Variants in TRPS1 observed in about 807,000 individuals in gnomAD.
TRPS1 encodes the protein zinc finger transcription factor Trps1.
TRPS1 carries 6 observed loss-of-function variants against 101.2 expected under a neutral mutation model. The ratio of observed to expected loss-of-function variants is 0.06; its 90% CI spans 0.03 to 0.12. The LOEUF (loss-of-function observed/expected upper bound fraction) is 0.12. Among genes scored for constraint, TRPS1 ranks in the 10% least tolerant of loss-of-function variants. The pLI is 1.00. For missense variants in TRPS1, 1,363 were observed against 1,567.0 expected, an observed-to-expected ratio of 0.87 and a Z score of 2.20; for synonymous variants, 578 against 589.8, an observed-to-expected ratio of 0.98 and a Z score of 0.29.
intron 5 of TRPS1, among the ~76,000 whole-genome samples, chr8:115,546,684 A>T (rs552638040): frequency 5.3e-5 from 8 of 152,184 alleles, no homozygotes; most frequent in African/African-American, 1.9e-4. Flanking sequence ...ACTTTTTAAA[A>T]ATCTTTTCAA....
At chr8:115,535,679 G>A (rs1199229306) in intron 5 of TRPS1, among the ~76,000 whole-genome samples, 1 of 150,626 alleles carries the variant, frequency 6.6e-6, no homozygotes, top group Non-Finnish European at 1.5e-5. Context: ...GGCTAACACG[G>A]TGAAACCCCA....
intron 5 of TRPS1, among the ~76,000 whole-genome samples, chr8:115,429,177 T>C (rs920944921): frequency 1.3e-5 from 2 of 152,224 alleles, no homozygotes; most frequent in East Asian, 3.9e-4. Context: ...AGTCCTATAA[T>C]AGGCTGTCCC....
At chr8:115,532,406 T>C (rs1022352279) in intron 5 of TRPS1, among the ~76,000 whole-genome samples, 1 of 152,140 alleles carries the variant, frequency 6.6e-6, no homozygotes, top group Non-Finnish European at 1.5e-5. Context: ...GGCTGAGGGA[T>C]TATTTCAATC....
intron 5 of TRPS1, among the ~76,000 whole-genome samples, chr8:115,535,059 A>C (rs961362146): frequency 6.7e-6 from 1 of 148,218 alleles, no homozygotes; most frequent in Non-Finnish European, 1.5e-5. Flanking sequence ...GCATATGTAT[A>C]GCATATATAT....
intron 1 of TRPS1, among the ~76,000 whole-genome samples, chr8:115,648,619 C>T (rs181536138): frequency 1.2e-4 from 19 of 152,302 alleles, no homozygotes; most frequent in African/African-American, 4.6e-4. Flanking sequence ...TGTTCCTGAT[C>T]TGCAGTTCTG....
Position 115,412,012 on chromosome 8 carries a change from G to C in TRPS1, c.*2011C>G, listed in dbSNP as rs978601389. ...AACTGCGAATTAATGTAAAAATGGAGTGCAAATGCGACTACAGAATGCAAA... is the reference window on the plus strand; with the variant it reads ...AACTGCGAATTAATGTAAAAATGGACTGCAAATGCGACTACAGAATGCAAA... On this transcript the variant is annotated 3_prime_UTR_variant, in exon 7 of 7. Coordinates refer to ENST00000395715, the MANE Select transcript of TRPS1 (RefSeq NM_014112.5). 1 of 127,336 alleles carries C rather than the reference G, an allele frequency of 7.9e-6. No homozygotes were observed. The highest frequency in any genetic ancestry group is 1.6e-5 in the Non-Finnish European group (1 of 61,032). The allele number at this position is 127,336 out of a possible 1,614,324, so 7.9% of individuals were successfully genotyped here.
intron 4 of TRPS1, among the ~76,000 whole-genome samples, chr8:115,599,864 G>A (rs1741008743): frequency 7.1e-6 from 1 of 140,710 alleles, no homozygotes; most frequent in Non-Finnish European, 1.6e-5. Flanking sequence ...CCAGTAATGG[G>A]ATTGCTGGGT....
chr8:115,605,249 A>C (rs1011571745), intron 3 of TRPS1, among the ~76,000 whole-genome samples: 10 of 152,200 alleles, frequency 6.6e-5, no homozygotes, highest in African/African-American at 2.4e-4. Context: ...GTAAGTAATA[A>C]ATGCACTATA....
chr8:115,528,020 C>T (rs1816042154), intron 5 of TRPS1, among the ~76,000 whole-genome samples: 1 of 151,980 alleles, frequency 6.6e-6, no homozygotes, highest in South Asian at 2.1e-4. Context: ...GTTCATATAT[C>T]CCAAATGGAG....
intron 5 of TRPS1, among the ~76,000 whole-genome samples, chr8:115,442,720 G>C (rs1813634648): frequency 6.6e-6 from 1 of 152,000 alleles, no homozygotes; most frequent in African/African-American, 2.4e-5. Flanking sequence ...CCAGCACTTT[G>C]GGATGCTGAG....
At position 115,596,859 on chromosome 8, in the gene TRPS1, A is replaced by G. The variant is rs192033673; in HGVS notation, c.2096+7014T>C. Among the ~76,000 whole-genome samples, 10 of 152,018 alleles carry G rather than the reference A, an allele frequency of 6.6e-5. No individual in the cohort carries two copies. In the East Asian group the frequency reaches 1.9e-3, roughly 29 times the overall value. ...ATAACATGAAAATTTGTATAGTTTT[A>G]TCTTTTGAATTTATATAAAACACTA... On this transcript the variant is annotated intron_variant, in intron 4 of 6. Coordinates refer to ENST00000395715, the MANE Select transcript of TRPS1 (RefSeq NM_014112.5).
chr8:115,553,099 C>A (rs985037097), intron 5 of TRPS1, among the ~76,000 whole-genome samples: 1 of 151,924 alleles, frequency 6.6e-6, no homozygotes, highest in African/African-American at 2.4e-5. Context: ...TGATAGTGGG[C>A]CAATTTTAAG....
chr8:115,422,110 C>T (rs981083669), intron 5 of TRPS1, among the ~76,000 whole-genome samples: 1 of 152,046 alleles, frequency 6.6e-6, no homozygotes, highest in Admixed American at 6.6e-5. Flanking sequence ...CGTCACTGAA[C>T]ATTCTAAGGA....
At chr8:115,526,136 C>T (rs1815991563) in intron 5 of TRPS1, among the ~76,000 whole-genome samples, 1 of 152,020 alleles carries the variant, frequency 6.6e-6, no homozygotes, top group African/African-American at 2.4e-5. Context: ...CGGTGAAACC[C>T]CATTTCTACT....
At chr8:115,452,616 G>A (rs993079004) in intron 5 of TRPS1, among the ~76,000 whole-genome samples, 9 of 152,174 alleles carry the variant, frequency 5.9e-5, no homozygotes, top group Non-Finnish European at 7.4e-5. Flanking sequence ...GTTGTAGAGC[G>A]GGGCAAAGGC....
At chr8:115,576,672 A>C (rs923217240) in intron 5 of TRPS1, among the ~76,000 whole-genome samples, 6 of 152,158 alleles carry the variant, frequency 3.9e-5, no homozygotes, top group Non-Finnish European at 5.9e-5. Context: ...ATTTTACCAG[A>C]AAATAAAATA....
At position 115,553,192 on chromosome 8, in the gene TRPS1, AT is replaced by A. The variant is rs761644571; in HGVS notation, c.2700+33808del. Among the ~76,000 whole-genome samples the A allele has an allele frequency of 4.1e-3, 628 of 152,114 alleles. 5 individuals carry two copies. Among genetic ancestry groups the A allele is most frequent in the Middle Eastern group, 0.01 (3 of 294 alleles). On this transcript the variant is annotated intron_variant, in intron 5 of 6. Coordinates refer to ENST00000395715, the MANE Select transcript of TRPS1 (RefSeq NM_014112.5). ...ATTATATAAATCATAATATATTAAA[AT>A]TTTTTATTATGTTGAGTAAGTAGTA...
intron 5 of TRPS1, among the ~76,000 whole-genome samples, chr8:115,441,427 G>T (rs1219661538): frequency 6.6e-6 from 1 of 152,106 alleles, no homozygotes; most frequent in Non-Finnish European, 1.5e-5. Context: ...TTCTGTACTT[G>T]GCTAGGCTCA....
At chr8:115,528,758 T>C (rs1334065335) in intron 5 of TRPS1, among the ~76,000 whole-genome samples, 3 of 152,014 alleles carry the variant, frequency 2.0e-5, no homozygotes, top group Admixed American at 6.6e-5. Context: ...TAAAATCTCA[T>C]CTAGAGGCAT....
Sources: allele counts gnomAD v4.1 joint callset (sites outside exome capture counted in the v4.1 genomes callset), GRCh38; gene constraint gnomAD v4.1.1; transcripts MANE v1.5; gene names NCBI Gene and HGNC (gene_info 2026-07-23, HGNC 2026-07-21).